The following BLNK variants were observed in gnomAD, a reference collection of about 807,000 sequenced individuals.
The protein encoded by BLNK is B-cell linker protein.
A neutral mutation model predicts 73.5 loss-of-function variants in BLNK; 29 were observed. The observed-to-expected ratio is 0.39, with a 90% CI of 0.29 to 0.54. The LOEUF (loss-of-function observed/expected upper bound fraction) is 0.54, where lower values mean the gene tolerates loss of function less well. Ranked by LOEUF, BLNK falls within the 20% of genes least tolerant of loss-of-function variation. BLNK has a pLI of 0.61. For missense variants in BLNK, 460 were observed against 562.8 expected (o/e 0.82, Z 1.85); for synonymous variants, 176 against 200.8 (o/e 0.88, Z 1.04).
Position 96,189,668 on chromosome 10 carries a change from G to A in BLNK, c.*2305C>T, listed in dbSNP as rs2083298018. 2 of 718,672 alleles carry A rather than the reference G, an allele frequency of 2.8e-6. No individual in the cohort carries two copies. Among genetic ancestry groups the A allele is most frequent in the African/African-American group, 3.5e-5 (2 of 57,780 alleles). The allele number at this position is 718,672 out of a possible 1,614,324, so 44.5% of individuals were successfully genotyped here. On this transcript the variant is annotated 3_prime_UTR_variant, in exon 17 of 17. Transcript: ENST00000224337. ...CTGGAGTATGTAGATTTCTTCAATG[G>A]TGCTTTTTCTTCAGTTTCCTCATCA... is the stretch of plus-strand genomic sequence containing the variant.
intron 3 of BLNK, among the ~76,000 whole-genome samples, chr10:96,236,171 C>G (rs781936432): frequency 2.6e-5 from 4 of 152,124 alleles, no homozygotes; most frequent in Non-Finnish European, 4.4e-5. Context: ...GGTGGCATCA[C>G]AGCATGTCTG....
chr10:96,258,169 G>A (rs1223597262), intron 1 of BLNK, among the ~76,000 whole-genome samples: 5 of 152,140 alleles, frequency 3.3e-5, no homozygotes, highest in South Asian at 2.1e-4. Flanking sequence ...TTAGATTTGC[G>A]AATTCAGCAC....
In BLNK at chr10:96,190,188, G is replaced by A. The variant is rs1196772203; in HGVS notation, c.*1785C>T. On this transcript the variant is annotated 3_prime_UTR_variant, in exon 17 of 17. Transcript: ENST00000224337. ...TGAAAAGATAGTTCTGGGCCTCAGG[G>A]GGCTCACGTCCATGTCCATCGAATC... 5 of 793,276 alleles carry A rather than the reference G, an allele frequency of 6.3e-6. No individual in the cohort carries two copies. In the African/African-American group the frequency reaches 8.4e-5, roughly 13 times the overall value. 49.1% of individuals were successfully genotyped at this position (793,276 alleles called of 1,614,324 possible).
rs782349549 is a variant in BLNK, at chr10:96,197,069, T to A, written c.1096-6A>T. On this transcript the variant is annotated splice_region_variant and splice_polypyrimidine_tract_variant and intron_variant, in intron 15 of 16. Coordinates refer to ENST00000224337, the MANE Select transcript of BLNK (RefSeq NM_013314.4). ...CGAATAAGAAATGATCCATCCTGTT[T>A]AATTTTTTTTAAAAAACATAATTAT... 1.9e-6 allele frequency: 3 copies of A among 1,607,604 alleles called. No homozygotes were observed. The Admixed American group carries it at 5.0e-5, about 27-fold the overall frequency.
At chr10:96,240,851 T>A (rs1842861022) in intron 3 of BLNK, among the ~76,000 whole-genome samples, 2 of 152,256 alleles carry the variant, frequency 1.3e-5, no homozygotes, top group Non-Finnish European at 2.9e-5. Flanking sequence ...CTTATTTAGT[T>A]CTTTAACAGG....
chr10:96,203,783 A>T (rs370164443), intron 13 of BLNK: 1 of 6,258 alleles, frequency 1.6e-4, no homozygotes, highest in Non-Finnish European at 2.3e-3. Flanking sequence ...TTGTTTTTGT[A>T]AAAAAAAAAA....
intron 2 of BLNK, among the ~76,000 whole-genome samples, chr10:96,243,274 C>T (rs181260771): frequency 6.6e-6 from 1 of 152,324 alleles, no homozygotes; most frequent in East Asian, 1.9e-4. Context: ...GCCAGACACA[C>T]TGGCTCATTT....
chr10:96,189,357 T>G lies in BLNK; in HGVS notation c.*2616A>C. ...AATGTTAACAAATTGTTTAAACTAT[T>G]TTCTAAAGAGACTTCCTCCACTGCC... On this transcript the variant is annotated 3_prime_UTR_variant, in exon 17 of 17. Coordinates refer to ENST00000224337, the MANE Select transcript of BLNK (RefSeq NM_013314.4). The G allele has an allele frequency of 1.8e-6, 1 of 561,700 alleles. No individual in the cohort carries two copies. The highest frequency in any genetic ancestry group is 3.4e-6 in the Non-Finnish European group (1 of 296,408). 34.8% of individuals were successfully genotyped at this position (561,700 alleles called of 1,614,324 possible). A position where few individuals can be genotyped will look rare whatever the true frequency, so the allele number is the denominator to read the frequency against.
chr10:96,263,941 C>T (rs1395074120), intron 1 of BLNK, among the ~76,000 whole-genome samples: 1 of 152,204 alleles, frequency 6.6e-6, no homozygotes, highest in Non-Finnish European at 1.5e-5. Context: ...CGGCAGCCAG[C>T]ATCACACTTC....
At position 96,207,858 on chromosome 10, in the gene BLNK, C is replaced by G; in HGVS notation, c.774+14G>C. 6.2e-7 allele frequency: 1 copy of G among 1,613,858 alleles called. No individual in the cohort carries two copies. Among genetic ancestry groups the G allele is most frequent in the Non-Finnish European group, 8.5e-7 (1 of 1,179,786 alleles). ...AGGAAATATGAAGCACTTTTAAATG[C>G]AAAATTAACTTACTGTCTTCAGTGG... On this transcript the variant is annotated intron_variant, in intron 10 of 16. Transcript: ENST00000224337.
At chr10:96,202,993 C>T (rs1333206648) in intron 13 of BLNK, among the ~76,000 whole-genome samples, 6 of 152,172 alleles carry the variant, frequency 3.9e-5, no homozygotes, top group African/African-American at 9.7e-5. Flanking sequence ...CCTGCTGCTG[C>T]GCTGTATTTT....
chr10:96,218,826 C>T (rs1186328026), intron 6 of BLNK, among the ~76,000 whole-genome samples: 2 of 152,134 alleles, frequency 1.3e-5, no homozygotes, highest in Non-Finnish European at 2.9e-5. Flanking sequence ...TATTTAATTG[C>T]TATTTCTTAT....
chr10:96,233,023 C>A (rs1554904361), intron 3 of BLNK, among the ~76,000 whole-genome samples: 1 of 152,100 alleles, frequency 6.6e-6, no homozygotes, highest in African/African-American at 2.4e-5. Context: ...CCAGGCTGGT[C>A]TTGAACTCCT....
At chr10:96,239,674 G>A (rs1842821815) in intron 3 of BLNK, among the ~76,000 whole-genome samples, 1 of 152,176 alleles carries the variant, frequency 6.6e-6, no homozygotes, top group Non-Finnish European at 1.5e-5. Flanking sequence ...AAATCAATGA[G>A]ATTTGGAGAT....
At chr10:96,240,633 A>G (rs1554906028) in intron 3 of BLNK, among the ~76,000 whole-genome samples, 1 of 152,106 alleles carries the variant, frequency 6.6e-6, no homozygotes, top group East Asian at 1.9e-4. Flanking sequence ...AAGGAAATTG[A>G]TTGTATCTAT....
rs1251908435 is a variant in BLNK at position 96,191,423 on chromosome 10, A to G, written c.*550T>C. The stretch of plus-strand genomic sequence containing the variant: ...ATAATCCTAGACAAGAACTTATAGA[A>G]AGTTCATATCCATATATATATATAT... On this transcript the variant is annotated 3_prime_UTR_variant, in exon 17 of 17. Transcript: ENST00000224337. Among the ~76,000 whole-genome samples, 1 of 151,964 alleles carries G rather than the reference A, an allele frequency of 6.6e-6. No individual in the cohort carries two copies. Among genetic ancestry groups the G allele is most frequent in the African/African-American group, 2.4e-5 (1 of 41,384 alleles).
intron 8 of BLNK, among the ~76,000 whole-genome samples, chr10:96,211,523 A>T (rs1554898702): frequency 2.0e-5 from 3 of 152,320 alleles, no homozygotes; most frequent in Admixed American, 6.5e-5. Flanking sequence ...CACTGGAGAG[A>T]GGCTCCCAGG....
chr10:96,213,727 C>T (rs2083999807), intron 8 of BLNK, among the ~76,000 whole-genome samples: 1 of 152,172 alleles, frequency 6.6e-6, no homozygotes, highest in South Asian at 2.1e-4. Flanking sequence ...GGGTTGAGGT[C>T]TTCATTTATT....
chr10:96,211,506 T>C (rs1020110003), intron 8 of BLNK, among the ~76,000 whole-genome samples: 4 of 152,182 alleles, frequency 2.6e-5, no homozygotes, highest in Non-Finnish European at 5.9e-5. Flanking sequence ...TTCCTTCCCA[T>C]GTATGTCACT....
Sources: gnomAD v4.1 joint callset for allele counts (sites outside exome capture counted in the v4.1 genomes callset) on GRCh38, gnomAD v4.1.1 for gene constraint, MANE v1.5 for transcripts, NCBI Gene and HGNC (gene_info 2026-07-23, HGNC 2026-07-21) for gene names.